Variants in RIMBP2 observed in about 807,000 individuals in gnomAD.
RIMBP2 encodes the protein RIMS binding protein 2, also known as RIMS-binding protein 2.
RIMBP2 carries 48 observed loss-of-function variants against 118.6 expected under a neutral mutation model. The observed-to-expected ratio is 0.40, with a 90% CI of 0.32 to 0.51. The LOEUF (loss-of-function observed/expected upper bound fraction) is 0.51. Among genes scored for constraint, RIMBP2 ranks in the 20% least tolerant of loss-of-function variants. RIMBP2 has a pLI of 0.41. For synonymous variants in RIMBP2, 762 were observed against 742.9 expected, an observed-to-expected ratio of 1.03 and a Z score of -0.42; for missense variants, 1,551 against 1,768.3, an observed-to-expected ratio of 0.88 and a Z score of 2.20.
intron 1 of RIMBP2, among the ~76,000 whole-genome samples, chr12:130,675,049 C>G (rs2064388750): frequency 6.6e-6 from 1 of 152,142 alleles, no homozygotes; most frequent in Non-Finnish European, 1.5e-5. Flanking sequence ...TACAGATGTT[C>G]CCACCCATTC....
At chr12:130,482,497 G>T (rs1007174896) in intron 4 of RIMBP2, among the ~76,000 whole-genome samples, 57 of 152,308 alleles carry the variant, frequency 3.7e-4, no homozygotes, top group Non-Finnish European at 1.0e-4. Flanking sequence ...GACTTCAGGA[G>T]TGGCCATTTC....
At chr12:130,619,394 A>G (rs1387406930) in intron 2 of RIMBP2, among the ~76,000 whole-genome samples, 1 of 152,174 alleles carries the variant, frequency 6.6e-6, no homozygotes, top group Non-Finnish European at 1.5e-5. Context: ...GACTGAAATC[A>G]TTATGCTCTT....
intron 1 of RIMBP2, among the ~76,000 whole-genome samples, chr12:130,696,568 GC>G (rs1328227359): frequency 6.6e-6 from 1 of 152,202 alleles, no homozygotes; most frequent in East Asian, 1.9e-4. Context: ...AGATAGCTGA[GC>G]TGACTCAGCA....
chr12:130,698,570 A>T (rs1175367604), intron 1 of RIMBP2, among the ~76,000 whole-genome samples: 1 of 152,232 alleles, frequency 6.6e-6, no homozygotes, highest in East Asian at 1.9e-4. Context: ...AGCCTGGCCA[A>T]TATGGTGAAA....
intron 3 of RIMBP2, among the ~76,000 whole-genome samples, chr12:130,510,922 G>A (rs7295352): frequency 6.6e-6 from 1 of 152,162 alleles, no homozygotes; most frequent in East Asian, 1.9e-4. Flanking sequence ...GTGTGGACAA[G>A]GAGGGGGAGG....
At position 130,581,569 on chromosome 12, in the gene RIMBP2, AGGT is replaced by A. The variant is rs1281792087; in HGVS notation, c.-217+46750_-217+46752del. ...CACCCCACAGCCCTCCCGTGCCAGT[AGGT>A]GGCAATTCCAGGCTCTCGCGGCTCA... On this transcript the variant is annotated intron_variant, in intron 2 of 22. Transcript: ENST00000690449. The surrounding 1 kb of genome is among the most constrained non-coding windows in gnomAD (Gnocchi z 4.4). 6.6e-6 allele frequency among the ~76,000 whole-genome samples: 1 copy of A among 152,206 alleles called. No individual in the cohort carries two copies. Among genetic ancestry groups the A allele is most frequent in the East Asian group, 1.9e-4 (1 of 5,188 alleles).
intron 1 of RIMBP2, among the ~76,000 whole-genome samples, chr12:130,656,756 CT>C: frequency 6.6e-6 from 1 of 152,158 alleles, no homozygotes; most frequent in African/African-American, 2.4e-5. Context: ...AAAGCAAGAT[CT>C]CATTAGCCGG....
chr12:130,691,775 G>C (rs2065318211), intron 1 of RIMBP2, among the ~76,000 whole-genome samples: 1 of 152,228 alleles, frequency 6.6e-6, no homozygotes, highest in Non-Finnish European at 1.5e-5. Flanking sequence ...GCACATGGTA[G>C]GGGTGCCAGC....
chr12:130,709,621 G>A (rs1485590784), intron 1 of RIMBP2, among the ~76,000 whole-genome samples: 5 of 152,170 alleles, frequency 3.3e-5, no homozygotes, highest in African/African-American at 9.7e-5. Context: ...TGTTGCCCCC[G>A]TCCCAATATC....
chr12:130,422,221 G>GA lies in RIMBP2; in HGVS notation c.3238+231dup, dbSNP rs539039112. 2.6e-5 allele frequency among the ~76,000 whole-genome samples: 4 copies of GA among 152,146 alleles called. No homozygotes were observed. The highest frequency in any genetic ancestry group is 5.9e-5 in the Non-Finnish European group (4 of 68,010). Reference sequence around the variant, plus strand: ...GTGCTTACCCTGTGAAGCTCTCCAGGAAAAAATCAGCTGGGAGAACATGGA... The same window carrying GA: ...GTGCTTACCCTGTGAAGCTCTCCAGGAAAAAAATCAGCTGGGAGAACATGGA... On this transcript the variant is annotated intron_variant, in intron 17 of 22. Transcript: ENST00000690449. This position sits in a 1 kb window ranked among gnomAD's most constrained non-coding sequence, Gnocchi z 5.2.
At chr12:130,535,302 CA>C (rs1196328503) in intron 2 of RIMBP2, among the ~76,000 whole-genome samples, 6 of 151,776 alleles carry the variant, frequency 4.0e-5, no homozygotes, top group African/African-American at 1.2e-4. Context: ...AGTTTGAGGC[CA>C]GGCTGGGCAA....
Position 130,573,862 on chromosome 12 carries a change from C to A in RIMBP2, c.-217+54460G>T, listed in dbSNP as rs995418972. Among the ~76,000 whole-genome samples the A allele has an allele frequency of 3.3e-5, 5 of 152,144 alleles. No individual in the cohort carries two copies. In the East Asian group the frequency reaches 7.7e-4, roughly 24 times the overall value. Reference sequence around the variant, plus strand: ...GTCCACACAGAAATCCCATCCCCAGCAAGTTCCCCCAACATGCTCCCCTCC... The same window carrying A: ...GTCCACACAGAAATCCCATCCCCAGAAAGTTCCCCCAACATGCTCCCCTCC... On this transcript the variant is annotated intron_variant, in intron 2 of 22. Coordinates refer to ENST00000690449, the MANE Select transcript of RIMBP2 (RefSeq NM_001393629.1).
chr12:130,530,925 T>G (rs1344796547), intron 2 of RIMBP2, among the ~76,000 whole-genome samples: 2 of 152,192 alleles, frequency 1.3e-5, no homozygotes, highest in Non-Finnish European at 2.9e-5. Flanking sequence ...GGCTGTGAAC[T>G]TGGACAAATT....
At chr12:130,541,461 G>C (rs549083027) in intron 2 of RIMBP2, among the ~76,000 whole-genome samples, 337 of 152,326 alleles carry the variant, frequency 2.2e-3, no homozygotes, top group African/African-American at 7.5e-3. Flanking sequence ...ATGATATTGA[G>C]TGAAGATCAC....
intron 1 of RIMBP2, among the ~76,000 whole-genome samples, chr12:130,635,302 G>C (rs2062286732): frequency 6.6e-6 from 1 of 152,182 alleles, no homozygotes; most frequent in Non-Finnish European, 1.5e-5. Context: ...GAGGGACCCT[G>C]CTTATCGTAT....
At chr12:130,546,551 C>T (rs553941138) in intron 2 of RIMBP2, among the ~76,000 whole-genome samples, 2 of 152,304 alleles carry the variant, frequency 1.3e-5, no homozygotes, top group African/African-American at 2.4e-5. Context: ...CCACCTCAGC[C>T]TCCCGAAGTG....
intron 3 of RIMBP2, among the ~76,000 whole-genome samples, chr12:130,514,634 CCCAGCTCCCCA>C (rs2051255972): frequency 6.6e-6 from 1 of 152,206 alleles, no homozygotes; most frequent in Non-Finnish European, 1.5e-5. Flanking sequence ...CCTCCCTGTG[CCCAGCTCCCCA>C]CCAGCCCTGT....
intron 2 of RIMBP2, among the ~76,000 whole-genome samples, chr12:130,538,788 G>A (rs925374627): frequency 6.6e-6 from 1 of 152,190 alleles, no homozygotes; most frequent in Non-Finnish European, 1.5e-5. Flanking sequence ...CTCCCAGAGA[G>A]GCTTGAGAGT....
chr12:130,470,854 A>G, intron 5 of RIMBP2, 111 bp from the exon 6 acceptor site: 1 of 507,266 alleles, frequency 2.0e-6, no homozygotes, highest in East Asian at 3.5e-5. Flanking sequence ...TTATTCCTCT[A>G]ATAGAGGAAT....
Sources: gnomAD v4.1 joint callset for allele counts (sites outside exome capture counted in the v4.1 genomes callset) on GRCh38, gnomAD v4.1.1 for gene constraint, Gnocchi (gnomAD v3.1) non-coding constraint, MANE v1.5 for transcripts, NCBI Gene and HGNC (gene_info 2026-07-23, HGNC 2026-07-21) for gene names.